Variants in KLHL25 observed in about 807,000 individuals in gnomAD.
KLHL25 encodes the protein kelch-like protein 25.
A neutral mutation model predicts 30.0 loss-of-function variants in KLHL25; 41 were observed. The observed-to-expected ratio is 1.37, with a 90% CI of 1.07 to 1.78. The LOEUF (loss-of-function observed/expected upper bound fraction) is 1.78. Among genes scored for constraint, KLHL25 ranks in the 40% most tolerant of loss-of-function variants. The pLI, the probability that KLHL25 is intolerant of heterozygous loss-of-function variation, is 0.00. For missense variants in KLHL25, 971 were observed against 824.5 expected (o/e 1.18, Z -2.18); for synonymous variants, 399 against 355.3 (o/e 1.12, Z -1.38).
intron 2 of KLHL25, among the ~76,000 whole-genome samples, chr15:85,765,290 A>T (rs1240501825): frequency 6.6e-6 from 1 of 151,864 alleles, no homozygotes; most frequent in Non-Finnish European, 1.5e-5. Context: ...CAGGGAATCA[A>T]GAAATTTGGC....
chr15:85,773,669 G>A (rs2089691885), intron 1 of KLHL25, among the ~76,000 whole-genome samples: 1 of 152,166 alleles, frequency 6.6e-6, no homozygotes, highest in South Asian at 2.1e-4. Context: ...CAGACCAGTG[G>A]GACTCTATAC....
intron 1 of KLHL25, among the ~76,000 whole-genome samples, chr15:85,773,294 A>C (rs1022047886): frequency 6.7e-6 from 1 of 149,678 alleles, no homozygotes; most frequent in Admixed American, 6.7e-5. Context: ...ACAGCACACG[A>C]AACTCATTCA....
In KLHL25 at chr15:85,769,645, C is replaced by T; in HGVS notation, c.166G>A (p.Ala56Thr). 6.2e-7 allele frequency: 1 copy of T among 1,613,538 alleles called. No individual in the cohort carries two copies. The highest frequency in any genetic ancestry group is 1.1e-5 in the South Asian group (1 of 91,084). ...TDVTLWAGDR[A>T]FPCHRAVLAA... Reference sequence around the variant, plus strand: ...AGCACGGCACGGTGACAGGGGAAGGCACGGTCGCCCGCCCAGAGTGTGACG... The same window carrying T: ...AGCACGGCACGGTGACAGGGGAAGGTACGGTCGCCCGCCCAGAGTGTGACG... Residue 56 changes from alanine to threonine, a missense_variant, in exon 2 of 3, where the codon GCC becomes ACC. By Grantham distance (58) the Ala-to-Thr change is moderately conservative. Transcript: ENST00000337975.
At chr15:85,767,952 G>A (rs1486074570) in intron 2 of KLHL25, 65 bp downstream of exon 2, 1 of 1,056,450 alleles carries the variant, frequency 9.5e-7, no homozygotes, top group South Asian at 1.6e-5. Context: ...AGTGGGAAGA[G>A]GTGGGACTGC....
intron 1 of KLHL25, among the ~76,000 whole-genome samples, chr15:85,775,978 C>T (rs1346155067): frequency 6.6e-5 from 10 of 151,480 alleles, no homozygotes; most frequent in Non-Finnish European, 1.2e-4. Flanking sequence ...TCGAGACCAG[C>T]CTGGCCAACA....
In KLHL25 at chr15:85,789,307, C is replaced by T. The variant is rs1326584049; in HGVS notation, c.-11+5459G>A. On this transcript the variant is annotated intron_variant, in intron 1 of 2. Coordinates refer to ENST00000337975, the MANE Select transcript of KLHL25 (RefSeq NM_022480.4). The surrounding 1 kb of genome is among the most constrained non-coding windows in gnomAD (Gnocchi z 4.1). Reference sequence around the variant, plus strand: ...CATGGCCTGCTCAGCCCTGCTTCCCCGTGGGAGGAGCCATCCAACTGGTCT... The same window carrying T: ...CATGGCCTGCTCAGCCCTGCTTCCCTGTGGGAGGAGCCATCCAACTGGTCT... Among the ~76,000 whole-genome samples the T allele has an allele frequency of 6.6e-6, 1 of 152,156 alleles. No homozygotes were observed. Among genetic ancestry groups the T allele is most frequent in the Non-Finnish European group, 1.5e-5 (1 of 68,034 alleles).
At chr15:85,761,871 T>C (rs963070673) in intron 2 of KLHL25, 3 of 152,340 alleles carry the variant, frequency 2.0e-5, no homozygotes, top group Non-Finnish European at 2.9e-5. Context: ...TACGTGTTAG[T>C]TTTAGTTGTG....
intron 1 of KLHL25, chr15:85,771,213 AAAAAG>A (rs1413412520): frequency 6.5e-6 from 1 of 153,158 alleles, no homozygotes; most frequent in East Asian, 1.9e-4. Flanking sequence ...AAAAAAAAAA[AAAAAG>A]AAAGAAAAGA....
chr15:85,777,648 G>A (rs1041757087), intron 1 of KLHL25, among the ~76,000 whole-genome samples: 1 of 152,212 alleles, frequency 6.6e-6, no homozygotes, highest in Non-Finnish European at 1.5e-5. Context: ...CAGGGTGACT[G>A]CAGCCTCTGG....
intron 1 of KLHL25, among the ~76,000 whole-genome samples, chr15:85,777,567 C>T (rs144812902): frequency 5.9e-5 from 9 of 152,344 alleles, no homozygotes; most frequent in African/African-American, 2.2e-4. Flanking sequence ...AGCCTTTTCA[C>T]GTAACGCACC....
Position 85,775,005 on chromosome 15 carries a change from T to C in KLHL25, c.-10-5185A>G, listed in dbSNP as rs556680479. Among the ~76,000 whole-genome samples, 18 of 151,404 alleles carry C rather than the reference T, an allele frequency of 1.2e-4. No individual in the cohort carries two copies. The South Asian group carries it at 3.8e-3, about 32-fold the overall frequency. ...AATTCTCCTGCCTCAGCCTCCCGAG[T>C]AGCTGGGATTACAGGCGCCCGCCAC... is the stretch of plus-strand genomic sequence containing the variant. On this transcript the variant is annotated intron_variant, in intron 1 of 2. Coordinates refer to ENST00000337975, the MANE Select transcript of KLHL25 (RefSeq NM_022480.4).
chr15:85,763,561 CA>C (rs2151804374), intron 2 of KLHL25: 3 of 134,716 alleles, frequency 2.2e-5, no homozygotes, highest in Admixed American at 1.5e-4. Flanking sequence ...GTGGCCAGAA[CA>C]GGGGAAAAAA....
intron 1 of KLHL25, among the ~76,000 whole-genome samples, chr15:85,776,359 C>T (rs533021859): frequency 1.7e-4 from 25 of 150,612 alleles, no homozygotes; most frequent in Non-Finnish European, 3.0e-4. Context: ...CATGGTGGCA[C>T]GCACCTGTAG....
chr15:85,777,998 A>G (rs1488947827), intron 1 of KLHL25, among the ~76,000 whole-genome samples: 1 of 152,250 alleles, frequency 6.6e-6, no homozygotes, highest in African/African-American at 2.4e-5. Context: ...TGTCTTAATC[A>G]GGACGGATGA....
intron 2 of KLHL25, chr15:85,763,009 C>G (rs1310591904): frequency 1.3e-5 from 2 of 151,300 alleles, no homozygotes; most frequent in African/African-American, 4.8e-5. Context: ...CGGATGCCTG[C>G]CTTGCATTCG....
chr15:85,770,777 C>T (rs1052268333), intron 1 of KLHL25, among the ~76,000 whole-genome samples: 4 of 152,240 alleles, frequency 2.6e-5, no homozygotes, highest in African/African-American at 9.6e-5. Flanking sequence ...GCCTCCCCTG[C>T]CTCCCTTGCC....
intron 1 of KLHL25, among the ~76,000 whole-genome samples, chr15:85,780,665 GTTC>G (rs2089737348): frequency 1.3e-5 from 2 of 152,246 alleles, no homozygotes; most frequent in African/African-American, 2.4e-5. Flanking sequence ...CAGAAGCTCT[GTTC>G]TTCTCTAGGC....
intron 1 of KLHL25, among the ~76,000 whole-genome samples, chr15:85,786,148 G>T (rs2089779941): frequency 6.6e-6 from 1 of 152,172 alleles, no homozygotes; most frequent in Non-Finnish European, 1.5e-5. Flanking sequence ...AAAGGCAGAA[G>T]CCCTCCCTAC....
At chr15:85,770,755 G>A (rs983746709) in intron 1 of KLHL25, among the ~76,000 whole-genome samples, 1 of 152,162 alleles carries the variant, frequency 6.6e-6, no homozygotes, top group African/African-American at 2.4e-5. Flanking sequence ...CAGGATCCTG[G>A]GCCAACGCAG....
Sources: gnomAD v4.1 joint callset for allele counts (sites outside exome capture counted in the v4.1 genomes callset) on GRCh38, gnomAD v4.1.1 for gene constraint, Gnocchi (gnomAD v3.1) non-coding constraint, MANE v1.5 for transcripts, NCBI Gene and HGNC (gene_info 2026-07-23, HGNC 2026-07-21) for gene names.